Variants in UBE2O observed in about 807,000 individuals in gnomAD.
UBE2O encodes the protein (E3-independent) E2 ubiquitin-conjugating enzyme.
A neutral mutation model predicts 125.8 loss-of-function variants in UBE2O; 15 were observed. That is an observed-to-expected ratio of 0.12 (90% CI 0.08 to 0.18). UBE2O has a LOEUF of 0.18. UBE2O is among the 10% of genes least tolerant of loss of function. UBE2O has a pLI of 1.00. For synonymous variants in UBE2O, 708 were observed against 703.2 expected (o/e 1.01, Z -0.11); for missense variants, 1,280 against 1,723.6 (o/e 0.74, Z 4.56).
At position 76,391,375 on chromosome 17, in the gene UBE2O, A is replaced by G. The variant is rs753550200; in HGVS notation, c.3447T>C (p.His1149=). Residue 1149 remains histidine, a synonymous_variant, in exon 18 of 18, where the codon CAT becomes CAC. Transcript: ENST00000319380. This position sits in a 1 kb window ranked among gnomAD's most constrained non-coding sequence, Gnocchi z 8.4. ...GTGCCTGGGCCTTCTCCAGCAGGGC[A>G]TGGGTTTCCAGCCAGGACTCGATAC... The part of the protein sequence containing the change: ...VNRIESWLET[H]ALLEKAQALP... 40 of 1,613,126 alleles carry G rather than the reference A, an allele frequency of 2.5e-5. No homozygotes were observed. The East Asian group carries it at 6.5e-4, about 26-fold the overall frequency.
At chr17:76,439,367 T>C (rs1394539958) in intron 1 of UBE2O, among the ~76,000 whole-genome samples, 1 of 152,186 alleles carries the variant, frequency 6.6e-6, no homozygotes, top group Non-Finnish European at 1.5e-5. Context: ...CCTCAAAATA[T>C]GGCCCAGGGA....
chr17:76,448,828 C>A (rs947192737), intron 1 of UBE2O, among the ~76,000 whole-genome samples: 1 of 152,236 alleles, frequency 6.6e-6, no homozygotes, highest in Non-Finnish European at 1.5e-5. Flanking sequence ...TGGCATTTGG[C>A]TTTGTTACAA....
intron 1 of UBE2O, among the ~76,000 whole-genome samples, chr17:76,449,959 A>T (rs763447974): frequency 1.6e-4 from 24 of 152,076 alleles, no homozygotes; most frequent in Middle Eastern, 3.4e-3. Flanking sequence ...TCTCAAAACC[A>T]TCACTACTGT....
chr17:76,416,457 T>C (rs1402502784), intron 1 of UBE2O, among the ~76,000 whole-genome samples: 4 of 151,952 alleles, frequency 2.6e-5, no homozygotes, highest in Admixed American at 6.6e-5. Context: ...CTGGGAAAAT[T>C]TGGGGGAAAC....
At position 76,401,570 on chromosome 17, in the gene UBE2O, C is replaced by G. The variant is rs531587051; in HGVS notation, c.751-416G>C. 1.5e-4 allele frequency among the ~76,000 whole-genome samples: 23 copies of G among 152,204 alleles called. No homozygotes were observed. In the East Asian group the frequency reaches 4.2e-3, roughly 28 times the overall value. ...TTAAAGGATGAGAAAAAAAAGCTAC[C>G]AAAAATGCAAATAAAAGTTCTAATA... On this transcript the variant is annotated intron_variant, in intron 5 of 17. Transcript: ENST00000319380.
At chr17:76,449,116 G>A (rs1305332642) in intron 1 of UBE2O, among the ~76,000 whole-genome samples, 1 of 152,234 alleles carries the variant, frequency 6.6e-6, no homozygotes, top group African/African-American at 2.4e-5. Flanking sequence ...AGCAGGGAAA[G>A]GACATGACTT....
In UBE2O at chr17:76,395,865, G is replaced by C. The variant is rs778228188; in HGVS notation, c.2810-4C>G. 2.5e-6 allele frequency: 4 copies of C among 1,614,146 alleles called. No homozygotes were observed. The highest frequency in any genetic ancestry group is 4.5e-5 in the East Asian group (2 of 44,894). On this transcript the variant is annotated splice_polypyrimidine_tract_variant and splice_region_variant and intron_variant, in intron 14 of 17. Transcript: ENST00000319380. This position sits in a 1 kb window ranked among gnomAD's most constrained non-coding sequence, Gnocchi z 5.0. ...ATTTTCTTAAAAGAATGATTTGCTA[G>C]AGGGGGGAAGAGAATAGTCAGTCCC...
At chr17:76,425,414 A>G (rs963345347) in intron 1 of UBE2O, among the ~76,000 whole-genome samples, 12 of 152,016 alleles carry the variant, frequency 7.9e-5, no homozygotes, top group Non-Finnish European at 1.5e-4. Context: ...GCAGTCCCCC[A>G]TCTTACCCTC....
intron 1 of UBE2O, among the ~76,000 whole-genome samples, chr17:76,415,071 C>T (rs2072579029): frequency 6.6e-6 from 1 of 152,212 alleles, no homozygotes; most frequent in Non-Finnish European, 1.5e-5. Context: ...TGGCCCCGGA[C>T]TGCTCCATTT....
In UBE2O at chr17:76,452,269, C is replaced by CT. The variant is rs2143943565; in HGVS notation, c.417+455dup. 6.6e-6 allele frequency among the ~76,000 whole-genome samples: 1 copy of CT among 152,312 alleles called. No individual in the cohort carries two copies. The highest frequency in any genetic ancestry group is 2.1e-4 in the South Asian group (1 of 4,826). On this transcript the variant is annotated intron_variant, in intron 1 of 17. Transcript: ENST00000319380. The surrounding 1 kb of genome is among the most constrained non-coding windows in gnomAD (Gnocchi z 4.4). ...TTGGGTTCGGCTGGGATTTTCACCT[C>CT]TATCTTTGTTTTGGAATGCCCACAA...
At chr17:76,417,238 C>T (rs1031581074) in intron 1 of UBE2O, among the ~76,000 whole-genome samples, 2 of 152,222 alleles carry the variant, frequency 1.3e-5, no homozygotes, top group Non-Finnish European at 2.9e-5. Context: ...CATGTGGGCA[C>T]CCCCATTGAC....
intron 1 of UBE2O, among the ~76,000 whole-genome samples, chr17:76,441,184 C>G (rs1240851238): frequency 6.6e-6 from 1 of 152,188 alleles, no homozygotes; most frequent in Admixed American, 6.5e-5. Context: ...TGGCTCACAG[C>G]AGGAATCCAT....
At chr17:76,417,783 G>A (rs922890125) in intron 1 of UBE2O, among the ~76,000 whole-genome samples, 1 of 152,206 alleles carries the variant, frequency 6.6e-6, no homozygotes, top group Non-Finnish European at 1.5e-5. Context: ...AAGGGAAGAG[G>A]AGCAGGTGTT....
intron 5 of UBE2O, 105 bp from the exon 6 acceptor site, chr17:76,401,259 TCA>T (rs1219694827): frequency 2.1e-5 from 29 of 1,353,164 alleles, no homozygotes; most frequent in Non-Finnish European, 2.7e-5. Flanking sequence ...AGAAGCCCAC[TCA>T]CACACACGCC....
At chr17:76,440,770 C>A (rs2073065891) in intron 1 of UBE2O, among the ~76,000 whole-genome samples, 2 of 152,226 alleles carry the variant, frequency 1.3e-5, no homozygotes, top group Admixed American at 1.3e-4. Context: ...CATGACCATG[C>A]CCATTCATTT....
intron 1 of UBE2O, among the ~76,000 whole-genome samples, chr17:76,451,779 G>GTGT (rs1555611641): frequency 0.02 from 2,791 of 137,398 alleles, 23 homozygotes; most frequent in Middle Eastern, 0.041. Flanking sequence ...GATACAGGGG[G>GTGT]GTGTGTGTGT....
chr17:76,389,802 T>G lies in UBE2O; in HGVS notation c.*1141A>C, dbSNP rs930154796. ...AGACGCATCATGCTTTGGCTTTTTTTTTGTCTTTTTTTCTAATAAGAGTTA... is the reference window on the plus strand; with the variant it reads ...AGACGCATCATGCTTTGGCTTTTTTGTTGTCTTTTTTTCTAATAAGAGTTA... On this transcript the variant is annotated 3_prime_UTR_variant, in exon 18 of 18. Transcript: ENST00000319380. The G allele has an allele frequency of 2.0e-5, 3 of 152,298 alleles. No individual in the cohort carries two copies. Among genetic ancestry groups the G allele is most frequent in the African/African-American group, 7.2e-5 (3 of 41,452 alleles). 9.4% of individuals were successfully genotyped at this position (152,298 alleles called of 1,614,324 possible).
chr17:76,443,541 G>A (rs1019084618), intron 1 of UBE2O, among the ~76,000 whole-genome samples: 2 of 152,058 alleles, frequency 1.3e-5, no homozygotes, highest in Admixed American at 6.6e-5. Flanking sequence ...CACCCACCTC[G>A]GCCTCCCAAA....
In UBE2O at chr17:76,453,057, C is replaced by T; in HGVS notation, c.85G>A (p.Ala29Thr). The T allele has an allele frequency of 2.9e-6, 4 of 1,376,602 alleles. No homozygotes were observed. Among genetic ancestry groups the T allele is most frequent in the Non-Finnish European group, 3.8e-6 (4 of 1,055,616 alleles). 85.3% of individuals were successfully genotyped at this position (1,376,602 alleles called of 1,614,324 possible). A position where few individuals can be genotyped will look rare whatever the true frequency, so the allele number is the denominator to read the frequency against. Residue 29 changes from alanine (A) to threonine (T), a missense_variant, in exon 1 of 18, where the codon GCC becomes ACC. Physicochemically the swap from Ala to Thr is moderately conservative, Grantham distance 58. Around this residue, in one of 10 missense-constraint regions of UBE2O, gnomAD observed 188 missense variants for 192.5 expected, o/e 0.98. Coordinates refer to ENST00000319380, the MANE Select transcript of UBE2O (RefSeq NM_022066.4). ...GCCGGCGCCGGGACGGGGGCTGCGG[C>T]TGGGGCCGGGACTGCCTCCGGGGCT... ...APAPEAVPAP[A>T]AAPVPAPAPA...
Sources: allele counts gnomAD v4.1 joint callset (sites outside exome capture counted in the v4.1 genomes callset), GRCh38; gene constraint gnomAD v4.1.1; regional missense constraint gnomAD v4.1.1; non-coding constraint Gnocchi (gnomAD v3.1); transcripts MANE v1.5; gene names NCBI Gene and HGNC (gene_info 2026-07-23, HGNC 2026-07-21).